PLCB1: variants seen among roughly 807,000 people sequenced by gnomAD.
PLCB1 encodes the protein 1-phosphatidylinositol 4,5-bisphosphate phosphodiesterase beta-1.
Under a neutral mutation model 161.8 loss-of-function variants are expected in PLCB1, and 46 were observed. That is an observed-to-expected ratio of 0.28 (90% CI 0.22 to 0.36). The LOEUF is 0.36. Ranked by LOEUF, PLCB1 falls within the 10% of genes least tolerant of loss-of-function variation. The pLI is 1.00. For synonymous variants in PLCB1, 517 were observed against 503.7 expected, an observed-to-expected ratio of 1.03 and a Z score of -0.35; for missense variants, 1,016 against 1,472.5, an observed-to-expected ratio of 0.69 and a Z score of 5.07.
At chr20:8,610,176 T>C (rs1987865905) in intron 3 of PLCB1, among the ~76,000 whole-genome samples, 1 of 152,144 alleles carries the variant, frequency 6.6e-6, no homozygotes, top group South Asian at 2.1e-4. Context: ...CAAAAGTAAT[T>C]GATGTTTTTG....
chr20:8,415,330 T>C (rs1237390261), intron 3 of PLCB1, among the ~76,000 whole-genome samples: 2 of 152,208 alleles, frequency 1.3e-5, no homozygotes, highest in East Asian at 3.8e-4. Flanking sequence ...TCTTGACACC[T>C]GAATTAAAAA....
At chr20:8,144,419 G>T (rs1449084110) in intron 1 of PLCB1, among the ~76,000 whole-genome samples, 1 of 152,114 alleles carries the variant, frequency 6.6e-6, no homozygotes, top group Admixed American at 6.5e-5. Context: ...GGATTTTTCT[G>T]CTTGTTCTGT....
intron 8 of PLCB1, among the ~76,000 whole-genome samples, chr20:8,658,287 G>C (rs1989521872): frequency 6.6e-6 from 1 of 152,134 alleles, no homozygotes; most frequent in African/African-American, 2.4e-5. Context: ...TTCCCACTGT[G>C]GGTTTTCTTA....
intron 31 of PLCB1, among the ~76,000 whole-genome samples, chr20:8,794,085 C>G (rs1983902075): frequency 6.6e-6 from 1 of 152,190 alleles, no homozygotes. Flanking sequence ...TCTCTTGTTT[C>G]CTAAACATTG....
chr20:8,729,113 T>C lies in PLCB1; in HGVS notation c.1827T>C (p.Tyr609=). Residue 609 remains tyrosine, a synonymous_variant, in exon 18 of 32, where the codon TAT becomes TAC. Transcript: ENST00000338037. ...PKGTRVDSSN[Y]MPQLFWNAGC... ...GAACACGTGTGGATTCATCCAACTA[T>C]ATGCCTCAGCTCTTCTGGAATGCAG... 1 of 1,612,496 alleles carries C rather than the reference T, an allele frequency of 6.2e-7. No individual in the cohort carries two copies. Among genetic ancestry groups the C allele is most frequent in the Non-Finnish European group, 8.5e-7 (1 of 1,178,860 alleles).
chr20:8,676,696 CATACTTT>C (rs1568556637), intron 9 of PLCB1, among the ~76,000 whole-genome samples: 2 of 152,178 alleles, frequency 1.3e-5, no homozygotes, highest in African/African-American at 4.8e-5. Context: ...TACCAACTCT[CATACTTT>C]TCAAGCACAG....
chr20:8,680,901 A>AT (rs1479460642), intron 9 of PLCB1, among the ~76,000 whole-genome samples: 2 of 151,546 alleles, frequency 1.3e-5, no homozygotes, highest in Non-Finnish European at 2.9e-5. Flanking sequence ...CCTGTAGGGT[A>AT]TTAACTAGTC....
intron 2 of PLCB1, among the ~76,000 whole-genome samples, chr20:8,232,008 T>A (rs1368017831): frequency 6.6e-6 from 1 of 152,190 alleles, no homozygotes; most frequent in African/African-American, 2.4e-5. Context: ...TTCAGCCAGC[T>A]GTCAACACAT....
At chr20:8,853,770 C>T (rs1470927132) in intron 31 of PLCB1, among the ~76,000 whole-genome samples, 4 of 152,178 alleles carry the variant, frequency 2.6e-5, no homozygotes, top group Non-Finnish European at 4.4e-5. Flanking sequence ...GTGTGAGTCT[C>T]CTAAATGATG....
chr20:8,157,989 G>A (rs774767138), intron 2 of PLCB1, among the ~76,000 whole-genome samples: 3 of 152,058 alleles, frequency 2.0e-5, no homozygotes, highest in African/African-American at 7.2e-5. Flanking sequence ...ATTGTTCCTT[G>A]GTTTCATAAG....
At chr20:8,626,567 G>T (rs1241975557) in intron 3 of PLCB1, among the ~76,000 whole-genome samples, 1 of 152,120 alleles carries the variant, frequency 6.6e-6, no homozygotes, top group Non-Finnish European at 1.5e-5. Flanking sequence ...GAGTTGTGTG[G>T]CTATCACTGG....
chr20:8,391,543 T>A (rs2122431242), intron 3 of PLCB1, among the ~76,000 whole-genome samples: 1 of 152,126 alleles, frequency 6.6e-6, no homozygotes, highest in South Asian at 2.1e-4. Flanking sequence ...GAGACCCAGA[T>A]TCAAACTCCA....
chr20:8,853,319 G>T (rs1019850091), intron 31 of PLCB1, among the ~76,000 whole-genome samples: 2 of 152,150 alleles, frequency 1.3e-5, no homozygotes, highest in African/African-American at 4.8e-5. Flanking sequence ...TACCACTTGT[G>T]TCAAGATACA....
chr20:8,371,445 C>T lies in PLCB1; in HGVS notation c.241C>T (p.Pro81Ser), dbSNP rs1986900760. Reference sequence around the variant, plus strand: ...CAGATGTGGGAGACACGCCAAAGCTCCCAAGGTAGGAGGTTGAGTGTTGTG... The same window carrying T: ...CAGATGTGGGAGACACGCCAAAGCTTCCAAGGTAGGAGGTTGAGTGTTGTG... ...DARCGRHAKAPKDPKLRELLD... is the reference protein window; with the variant it reads ...DARCGRHAKASKDPKLRELLD... The change falls in exon 3 of 32, where the codon CCC becomes TCC. Residue 81 changes from proline (P) to serine (S), a missense_variant. Physicochemically the swap from Pro to Ser is moderately conservative, Grantham distance 74. This residue lies in a region of PLCB1 where 181 missense variants were observed against 236.7 expected (regional missense o/e 0.76). Coordinates refer to ENST00000338037, the MANE Select transcript of PLCB1 (RefSeq NM_015192.4). 6 of 1,611,866 alleles carry T rather than the reference C, an allele frequency of 3.7e-6. No individual in the cohort carries two copies. The highest frequency in any genetic ancestry group is 1.3e-5 in the African/African-American group (1 of 74,948).
intron 3 of PLCB1, among the ~76,000 whole-genome samples, chr20:8,568,083 A>G (rs75671493): frequency 5.9e-5 from 9 of 152,284 alleles, no homozygotes; most frequent in South Asian, 2.1e-4. Flanking sequence ...TGTATTATCA[A>G]TCCTTAAAAT....
In PLCB1 at chr20:8,788,705, C is replaced by T. The variant is rs1287471154; in HGVS notation, c.3261C>T (p.Asp1087=). The change falls in exon 29 of 32, where the codon GAC becomes GAT. Residue 1087 remains aspartate, a synonymous_variant. Transcript: ENST00000338037. The part of the protein sequence containing the change: ...QEKITEAKSK[D]KSQMEEEKTE... Reference sequence around the variant, plus strand: ...AGATAACAGAAGCTAAATCCAAAGACAAAAGTCAGATGGAAGAGTAAGTCA... The same window carrying T: ...AGATAACAGAAGCTAAATCCAAAGATAAAAGTCAGATGGAAGAGTAAGTCA... 6.2e-7 allele frequency: 1 copy of T among 1,608,564 alleles called. No individual in the cohort carries two copies. The highest frequency in any genetic ancestry group is 1.1e-5 in the South Asian group (1 of 90,050).
intron 31 of PLCB1, among the ~76,000 whole-genome samples, chr20:8,810,288 A>G (rs1052334698): frequency 1.3e-5 from 2 of 152,138 alleles, no homozygotes; most frequent in African/African-American, 2.4e-5. Flanking sequence ...CCAAGGTTAC[A>G]TGGAAAATTC....
intron 31 of PLCB1, among the ~76,000 whole-genome samples, chr20:8,829,513 C>T (rs1009296557): frequency 6.6e-6 from 1 of 152,226 alleles, no homozygotes; most frequent in Admixed American, 6.5e-5. Flanking sequence ...TCTTTCTGTA[C>T]ATCCTCAGTT....
At chr20:8,240,908 C>T (rs909566155) in intron 2 of PLCB1, among the ~76,000 whole-genome samples, 5 of 151,938 alleles carry the variant, frequency 3.3e-5, no homozygotes, top group Admixed American at 2.0e-4. Flanking sequence ...ACCAGCAAAG[C>T]AAAACCAGTT....
Sources: gnomAD v4.1 joint callset for allele counts (sites outside exome capture counted in the v4.1 genomes callset) on GRCh38, gnomAD v4.1.1 for gene constraint, gnomAD v4.1.1 regional missense constraint, MANE v1.5 for transcripts, NCBI Gene and HGNC (gene_info 2026-07-23, HGNC 2026-07-21) for gene names.